Variants in APBA2 observed in about 807,000 individuals in gnomAD.
The protein encoded by APBA2 is amyloid beta precursor protein binding family A member 2, also known as amyloid-beta A4 precursor protein-binding family A member 2.
In APBA2, 30 loss-of-function variants were observed where a neutral mutation model predicts 75.0. That is an observed-to-expected ratio of 0.40 (90% confidence interval 0.30 to 0.54). The LOEUF is 0.54. APBA2 is among the 20% of genes least tolerant of loss of function. The probability of loss-of-function intolerance (pLI) is 0.49; values close to 1 mark genes in which losing one functional copy is unlikely to be tolerated. For missense variants in APBA2, 801 were observed against 1,016.1 expected (o/e 0.79, Z 2.88); for synonymous variants, 444 against 409.6 (o/e 1.08, Z -1.01).
At chr15:29,098,455 T>G in intron 8 of APBA2, 35 bp from the exon 9 acceptor site, 1 of 1,543,466 alleles carries the variant, frequency 6.5e-7, no homozygotes, top group East Asian at 2.2e-5. Context: ...CCGAGTTGGT[T>G]TTTGGACTTT....
chr15:29,080,361 C>T (rs1039737581), intron 6 of APBA2, among the ~76,000 whole-genome samples: 1 of 152,112 alleles, frequency 6.6e-6, no homozygotes, highest in Non-Finnish European at 1.5e-5. Flanking sequence ...AGAACCTTCA[C>T]TTAGAGAAGA....
chr15:28,984,365 T>C (rs1468310440), intron 2 of APBA2, among the ~76,000 whole-genome samples: 1 of 152,080 alleles, frequency 6.6e-6, no homozygotes, highest in Non-Finnish European at 1.5e-5. Context: ...CATAGGCTTA[T>C]AGGGGACTAT....
rs2041742749 is a variant in APBA2 at position 29,054,010 on chromosome 15, G to A, written c.126G>A (p.Val42=). 1.9e-6 allele frequency: 3 copies of A among 1,613,802 alleles called. No individual in the cohort carries two copies. Among genetic ancestry groups the A allele is most frequent in the Non-Finnish European group, 2.5e-6 (3 of 1,180,016 alleles). Residue 42 remains valine (V), a synonymous_variant, in exon 4 of 15, where the codon GTG becomes GTA. Coordinates refer to ENST00000683413, the MANE Select transcript of APBA2 (RefSeq NM_001353788.2). The surrounding 1 kb of genome is among the most constrained non-coding windows in gnomAD (Gnocchi z 6.1). ...EDMELPLEGY[V]PEGLELAALR... ...TGGAGCTGCCCTTGGAGGGCTATGT[G>A]CCCGAGGGCCTGGAGCTGGCTGCCC...
chr15:28,886,875 TG>T (rs1567405758), intron 1 of APBA2, among the ~76,000 whole-genome samples: 1 of 152,214 alleles, frequency 6.6e-6, no homozygotes, highest in Non-Finnish European at 1.5e-5. Flanking sequence ...CCCCTCGGCC[TG>T]GCCCCTTCCC....
chr15:28,931,548 C>T (rs2152688807), intron 2 of APBA2, among the ~76,000 whole-genome samples: 1 of 152,316 alleles, frequency 6.6e-6, no homozygotes, highest in African/African-American at 2.4e-5. Flanking sequence ...GCCCTTTTAG[C>T]AAGGCAGCGC....
intron 4 of APBA2, among the ~76,000 whole-genome samples, chr15:29,056,748 A>G (rs1432475349): frequency 6.6e-6 from 1 of 150,540 alleles, no homozygotes; most frequent in African/African-American, 2.5e-5. Flanking sequence ...GCTGACAAGT[A>G]CCCTGGTGCC....
chr15:29,090,941 C>T (rs988792166), intron 6 of APBA2, among the ~76,000 whole-genome samples: 2 of 150,958 alleles, frequency 1.3e-5, no homozygotes, highest in Admixed American at 6.6e-5. Flanking sequence ...GCTCTCCAAG[C>T]CCCCCAGCTA....
intron 6 of APBA2, among the ~76,000 whole-genome samples, chr15:29,086,684 A>C (rs553509135): frequency 6.6e-6 from 1 of 152,368 alleles, no homozygotes; most frequent in South Asian, 2.1e-4. Context: ...TTTTGTGTTT[A>C]GAATACATCC....
At chr15:29,032,863 C>T (rs77933847) in intron 3 of APBA2, among the ~76,000 whole-genome samples, 6,438 of 152,234 alleles carry the variant, frequency 0.042, 318 homozygotes, top group East Asian at 0.21. Flanking sequence ...CTGCTCCACC[C>T]CTGCTGTGGA....
At chr15:29,063,055 G>T (rs2042206339) in intron 4 of APBA2, among the ~76,000 whole-genome samples, 1 of 113,300 alleles carries the variant, frequency 8.8e-6, no homozygotes, top group South Asian at 4.8e-4. Flanking sequence ...TATGGGTGGG[G>T]AGGGGAGTTG....
At chr15:29,094,185 G>A in intron 7 of APBA2, 93 bp from the exon 8 acceptor site, 3 of 1,372,952 alleles carry the variant, frequency 2.2e-6, no homozygotes, top group South Asian at 2.3e-5. Context: ...CCAGACCTGA[G>A]AGTGGGGGCA....
intron 3 of APBA2, among the ~76,000 whole-genome samples, chr15:29,007,213 A>G (rs1595711853): frequency 6.6e-6 from 1 of 152,316 alleles, no homozygotes; most frequent in East Asian, 1.9e-4. Context: ...TATAAAAACA[A>G]CACAAGAGAA....
At chr15:29,045,902 G>A (rs1193725021) in intron 3 of APBA2, among the ~76,000 whole-genome samples, 1 of 152,158 alleles carries the variant, frequency 6.6e-6, no homozygotes, top group Non-Finnish European at 1.5e-5. Context: ...CACAAATGAT[G>A]TGCTAGATGA....
At chr15:29,107,927 C>A (rs2044515379) in intron 12 of APBA2, among the ~76,000 whole-genome samples, 2 of 152,180 alleles carry the variant, frequency 1.3e-5, no homozygotes, top group Non-Finnish European at 2.9e-5. Flanking sequence ...CCCCTCGACA[C>A]CCTGAGGGTG....
At chr15:29,045,245 AT>A (rs35591033) in intron 3 of APBA2, among the ~76,000 whole-genome samples, 7,168 of 134,268 alleles carry the variant, frequency 0.053, 358 homozygotes, top group East Asian at 0.18. Context: ...TGCCTGGCTA[AT>A]TTTTTTTTTT....
intron 2 of APBA2, among the ~76,000 whole-genome samples, chr15:28,952,395 G>A (rs2152725198): frequency 6.6e-6 from 1 of 152,152 alleles, no homozygotes; most frequent in South Asian, 2.1e-4. Flanking sequence ...AGCCAGGTGT[G>A]GTGACGCGCA....
Position 29,106,717 on chromosome 15 carries a change from G to A in APBA2, c.1815G>A (p.Pro605=), listed in dbSNP as rs140055297. 10,297 of 1,612,960 alleles carry A rather than the reference G, an allele frequency of 6.4e-3. 42 individuals carry two copies. Among genetic ancestry groups the A allele is most frequent in the Middle Eastern group, 0.016 (96 of 6,062 alleles). The change falls in exon 12 of 15, where the codon CCG becomes CCA. Residue 605 remains proline, a synonymous_variant. Coordinates refer to ENST00000683413, the MANE Select transcript of APBA2 (RefSeq NM_001353788.2). Reference sequence around the variant, plus strand: ...TGGCCAACATGATGAATGGCGGCCCGGCTGCCCGCTCGGGGAAGCTGAGCA... The same window carrying A: ...TGGCCAACATGATGAATGGCGGCCCAGCTGCCCGCTCGGGGAAGCTGAGCA... ...VILANMMNGG[P]AARSGKLSIG... is the part of the protein sequence containing the mutation.
chr15:29,058,873 C>A (rs1282713561), intron 4 of APBA2, among the ~76,000 whole-genome samples: 2 of 152,246 alleles, frequency 1.3e-5, no homozygotes, highest in African/African-American at 4.8e-5. Flanking sequence ...TAGAATTCCA[C>A]TGTAGAGTTT....
At chr15:28,969,280 A>G (rs965632952) in intron 2 of APBA2, among the ~76,000 whole-genome samples, 6 of 151,784 alleles carry the variant, frequency 4.0e-5, no homozygotes, top group Non-Finnish European at 7.4e-5. Flanking sequence ...TCGCGGGCTC[A>G]AGCGATTCTC....
Sources: gnomAD v4.1 joint callset for allele counts (sites outside exome capture counted in the v4.1 genomes callset) on GRCh38, gnomAD v4.1.1 for gene constraint, Gnocchi (gnomAD v3.1) non-coding constraint, MANE v1.5 for transcripts, NCBI Gene and HGNC (gene_info 2026-07-23, HGNC 2026-07-21) for gene names.